PPP2R2A: variants seen among roughly 807,000 people sequenced by gnomAD.
The protein encoded by PPP2R2A is serine/threonine-protein phosphatase 2A 55 kDa regulatory subunit B alpha isoform.
In PPP2R2A, 9 loss-of-function variants were observed where a neutral mutation model predicts 53.2. That is an observed-to-expected ratio of 0.17 (90% CI 0.10 to 0.30). The LOEUF is 0.30. Ranked by LOEUF, PPP2R2A falls within the 10% of genes least tolerant of loss-of-function variation. The pLI, the probability that PPP2R2A is intolerant of heterozygous loss-of-function variation, is 1.00. For synonymous variants in PPP2R2A, 169 were observed against 174.2 expected (o/e 0.97, Z 0.23); for missense variants, 235 against 534.6 (o/e 0.44, Z 5.53).
rs941655402 is a variant in PPP2R2A at position 26,354,742 on chromosome 8, T to G, written c.346+109T>G. ...CAGAGATACTTGTAAAAAGGACTTTTGTTTTTCTATACAGAATGTAAACTC... is the reference window on the plus strand; with the variant it reads ...CAGAGATACTTGTAAAAAGGACTTTGGTTTTTCTATACAGAATGTAAACTC... On this transcript the variant is annotated intron_variant, in intron 4 of 9. Transcript: ENST00000380737. The surrounding 1 kb of genome is among the most constrained non-coding windows in gnomAD (Gnocchi z 4.6). The G allele has an allele frequency of 9.5e-5, 101 of 1,058,960 alleles. No individual in the cohort carries two copies. Among genetic ancestry groups the G allele is most frequent in the Non-Finnish European group, 1.3e-4 (99 of 791,940 alleles). 65.6% of individuals were successfully genotyped at this position (1,058,960 alleles called of 1,614,324 possible). A position where few individuals can be genotyped will look rare whatever the true frequency, so the allele number is the denominator to read the frequency against.
chr8:26,348,275 A>G (rs1363305745), intron 3 of PPP2R2A, among the ~76,000 whole-genome samples: 2 of 152,178 alleles, frequency 1.3e-5, no homozygotes, highest in Admixed American at 1.3e-4. Flanking sequence ...AATATTTCCT[A>G]CATTTTTGCA....
At position 26,291,573 on chromosome 8, in the gene PPP2R2A, T is replaced by TGTCGTAGTCGCCGCCGCC. The variant is rs1460649921; in HGVS notation, c.-245_-228dup. 1.2e-4 allele frequency: 64 copies of TGTCGTAGTCGCCGCCGCC among 541,504 alleles called. No homozygotes were observed. The highest frequency in any genetic ancestry group is 9.9e-4 in the Middle Eastern group (2 of 2,026). 33.5% of individuals were successfully genotyped at this position (541,504 alleles called of 1,614,324 possible). A position where few individuals can be genotyped will look rare whatever the true frequency, so the allele number is the denominator to read the frequency against. On this transcript the variant is annotated 5_prime_UTR_variant, in exon 1 of 10. Coordinates refer to ENST00000380737, the MANE Select transcript of PPP2R2A (RefSeq NM_002717.4). Reference sequence around the variant, plus strand: ...CTGCCGCTGCCGCCGCCGCCGTCGCTGTCGTAGTCGCCGCCGCCGCTGCCG... The same window carrying TGTCGTAGTCGCCGCCGCC: ...CTGCCGCTGCCGCCGCCGCCGTCGCTGTCGTAGTCGCCGCCGCCGTCGTAGTCGCCGCCGCCGCTGCCG...
chr8:26,348,293 A>G lies in PPP2R2A; in HGVS notation c.181-6175A>G, dbSNP rs140250310. Among the ~76,000 whole-genome samples the G allele has an allele frequency of 4.3e-3, 650 of 152,242 alleles. 6 individuals are homozygous for G. The highest frequency in any genetic ancestry group is 0.014 in the African/African-American group (589 of 41,554). Reference sequence around the variant, plus strand: ...ATTTCCTACATTTTTGCAGAGTTTCATTTAAGGAAGGAGAAAGTTAGTACA... The same window carrying G: ...ATTTCCTACATTTTTGCAGAGTTTCGTTTAAGGAAGGAGAAAGTTAGTACA... On this transcript the variant is annotated intron_variant, in intron 3 of 9. Coordinates refer to ENST00000380737, the MANE Select transcript of PPP2R2A (RefSeq NM_002717.4).
intron 3 of PPP2R2A, among the ~76,000 whole-genome samples, chr8:26,349,399 T>G (rs928575445): frequency 1.3e-5 from 2 of 152,200 alleles, no homozygotes; most frequent in Non-Finnish European, 2.9e-5. Context: ...AACCATTGAT[T>G]GGGTTACTTC....
rs578061186 is a variant in PPP2R2A, at chr8:26,337,782, T to C, written c.83-1108T>C. ...TATGTGCAGTTTTGTGGGAGAGCAT[T>C]TGTAACTTTTGGTAGATTCTGAAAG... On this transcript the variant is annotated intron_variant, in intron 2 of 9. Transcript: ENST00000380737. Among the ~76,000 whole-genome samples, 8 of 152,332 alleles carry C rather than the reference T, an allele frequency of 5.3e-5. No individual in the cohort carries two copies. The South Asian group carries it at 1.4e-3, about 28-fold the overall frequency.
intron 9 of PPP2R2A, among the ~76,000 whole-genome samples, chr8:26,367,583 CTGTT>C (rs1212479801): frequency 1.3e-5 from 2 of 152,228 alleles, no homozygotes; most frequent in African/African-American, 4.8e-5. Flanking sequence ...GTTCTATTCT[CTGTT>C]TATTTATAGC....
At chr8:26,343,052 C>A (rs527983301) in intron 3 of PPP2R2A, among the ~76,000 whole-genome samples, 1 of 151,890 alleles carries the variant, frequency 6.6e-6, no homozygotes, top group Non-Finnish European at 1.5e-5. Context: ...GTGGCACATA[C>A]CTGTAATCCC....
At chr8:26,333,422 G>A (rs1803481009) in intron 2 of PPP2R2A, 3 of 697,368 alleles carry the variant, frequency 4.3e-6, no homozygotes, top group African/African-American at 3.7e-5. Flanking sequence ...ACCTTCAGCT[G>A]TATTAAAAAT....
chr8:26,296,055 A>T (rs1801527200), intron 2 of PPP2R2A, among the ~76,000 whole-genome samples: 1 of 152,146 alleles, frequency 6.6e-6, no homozygotes, highest in Admixed American at 6.5e-5. Flanking sequence ...GCCAGGGCAT[A>T]CCATTTTTAC....
chr8:26,293,093 GTC>G (rs1801379811), intron 1 of PPP2R2A: 2 of 637,790 alleles, frequency 3.1e-6, no homozygotes, highest in Non-Finnish European at 2.5e-6. Flanking sequence ...TCCTTTGACA[GTC>G]TCTTTAGCAG....
chr8:26,342,871 G>T (rs1804013126), intron 3 of PPP2R2A, among the ~76,000 whole-genome samples: 1 of 152,068 alleles, frequency 6.6e-6, no homozygotes, highest in Non-Finnish European at 1.5e-5. Flanking sequence ...ATTATATATG[G>T]CTCAAAATGT....
chr8:26,347,368 A>G (rs1261901348), intron 3 of PPP2R2A, among the ~76,000 whole-genome samples: 1 of 150,704 alleles, frequency 6.6e-6, no homozygotes, highest in African/African-American at 2.4e-5. Flanking sequence ...AGCAAGGCAC[A>G]GTTTTCGTGT....
At chr8:26,363,498 A>G (rs1805222201) in intron 7 of PPP2R2A, 1 of 380,730 alleles carries the variant, frequency 2.6e-6, no homozygotes, top group Admixed American at 4.2e-5. Flanking sequence ...TAGTCATATG[A>G]CTGGAAGTAT....
chr8:26,370,098 T>TGCTTG lies in PPP2R2A; in HGVS notation c.1065-35_1065-31dup. On this transcript the variant is annotated intron_variant, in intron 9 of 9. Coordinates refer to ENST00000380737, the MANE Select transcript of PPP2R2A (RefSeq NM_002717.4). This position sits in a 1 kb window ranked among gnomAD's most constrained non-coding sequence, Gnocchi z 6.1. ...TTTACTTGAAAACAATTTCTTGTTCTGCTTGTTTGACTGAGTGTACTGTCT... is the reference window on the plus strand; with the variant it reads ...TTTACTTGAAAACAATTTCTTGTTCTGCTTGGCTTGTTTGACTGAGTGTACTGTCT... The TGCTTG allele has an allele frequency of 6.3e-7, 1 of 1,579,366 alleles. No individual in the cohort carries two copies. The highest frequency in any genetic ancestry group is 8.6e-7 in the Non-Finnish European group (1 of 1,157,432).
intron 2 of PPP2R2A, among the ~76,000 whole-genome samples, chr8:26,296,157 T>G (rs1223587479): frequency 1.3e-5 from 2 of 152,234 alleles, no homozygotes; most frequent in African/African-American, 4.8e-5. Flanking sequence ...GTTCCTAAAT[T>G]ATTCCCTGCT....
chr8:26,326,953 A>G (rs776556318), intron 2 of PPP2R2A, among the ~76,000 whole-genome samples: 8 of 152,244 alleles, frequency 5.3e-5, no homozygotes, highest in Non-Finnish European at 1.0e-4. Flanking sequence ...TCTTGGTTGC[A>G]GTAGGATATG....
At chr8:26,366,754 T>G (rs1255131334) in intron 9 of PPP2R2A, among the ~76,000 whole-genome samples, 2 of 152,166 alleles carry the variant, frequency 1.3e-5, no homozygotes, top group Non-Finnish European at 2.9e-5. Flanking sequence ...GATAACTCAT[T>G]TGGATTGTTA....
At chr8:26,296,855 C>T (rs956066683) in intron 2 of PPP2R2A, among the ~76,000 whole-genome samples, 5 of 152,250 alleles carry the variant, frequency 3.3e-5, no homozygotes, top group South Asian at 2.1e-4. Flanking sequence ...AAATTTAAAA[C>T]GCTTTCTGCA....
chr8:26,306,636 C>T (rs1802037842), intron 2 of PPP2R2A, among the ~76,000 whole-genome samples: 1 of 151,610 alleles, frequency 6.6e-6, no homozygotes, highest in South Asian at 2.1e-4. Context: ...TTTTACAAAC[C>T]AAATATAGGT....
Sources: gnomAD v4.1 joint callset for allele counts (sites outside exome capture counted in the v4.1 genomes callset) on GRCh38, gnomAD v4.1.1 for gene constraint, Gnocchi (gnomAD v3.1) non-coding constraint, MANE v1.5 for transcripts, NCBI Gene and HGNC (gene_info 2026-07-23, HGNC 2026-07-21) for gene names.